KCNH8: variants seen among roughly 807,000 people sequenced by gnomAD.
The protein encoded by KCNH8 is potassium voltage-gated channel subfamily H member 8.
KCNH8 carries 70 observed loss-of-function variants against 103.6 expected under a neutral mutation model. The observed-to-expected ratio is 0.68, with a 90% CI of 0.56 to 0.82. KCNH8 has a LOEUF of 0.82. Among genes scored for constraint, KCNH8 ranks in the 40% least tolerant of loss-of-function variants. KCNH8 has a pLI of 0.00. For missense variants in KCNH8, 1,217 were observed against 1,329.9 expected, an observed-to-expected ratio of 0.92 and a Z score of 1.32; for synonymous variants, 498 against 489.4, an observed-to-expected ratio of 1.02 and a Z score of -0.23.
At chr3:19,418,945 G>C (rs964994255) in intron 7 of KCNH8, among the ~76,000 whole-genome samples, 2 of 152,166 alleles carry the variant, frequency 1.3e-5, no homozygotes, top group East Asian at 1.9e-4. Context: ...TCCATAACAG[G>C]GTTTTGGCAT....
chr3:19,193,009 A>C (rs570246153), intron 1 of KCNH8, among the ~76,000 whole-genome samples: 3 of 151,724 alleles, frequency 2.0e-5, no homozygotes, highest in Non-Finnish European at 4.4e-5. Flanking sequence ...TTTTACATAA[A>C]TTTTTAGAAA....
intron 11 of KCNH8, among the ~76,000 whole-genome samples, chr3:19,477,280 C>G (rs2067996441): frequency 6.6e-6 from 1 of 151,942 alleles, no homozygotes; most frequent in African/African-American, 2.4e-5. Context: ...GCTCCATTCC[C>G]AACATGAATT....
At chr3:19,419,195 G>GTTTTTGTT (rs2066909147) in intron 7 of KCNH8, among the ~76,000 whole-genome samples, 1 of 128,754 alleles carries the variant, frequency 7.8e-6, no homozygotes, top group African/African-American at 2.9e-5. Context: ...AATGGTTTTG[G>GTTTTTGTT]TTTTTTTTTT....
chr3:19,150,807 G>T (rs1023509630), intron 1 of KCNH8, among the ~76,000 whole-genome samples: 8 of 152,088 alleles, frequency 5.3e-5, no homozygotes, highest in Non-Finnish European at 1.2e-4. Flanking sequence ...GACCATGCTT[G>T]GTCTGTGCTC....
At position 19,263,493 on chromosome 3, in the gene KCNH8, A is replaced by G. The variant is rs192908956; in HGVS notation, c.310+9606A>G. ...GGGGAAATGCACCTGTTTGGCAGGTATAAGATGGCTTCACTCATGTGTGGC... is the reference window on the plus strand; with the variant it reads ...GGGGAAATGCACCTGTTTGGCAGGTGTAAGATGGCTTCACTCATGTGTGGC... On this transcript the variant is annotated intron_variant, in intron 2 of 15. Transcript: ENST00000328405. Among the ~76,000 whole-genome samples the G allele has an allele frequency of 1.5e-3, 221 of 152,232 alleles. 2 individuals carry two copies. The highest frequency in any genetic ancestry group is 2.8e-3 in the Non-Finnish European group (190 of 67,988).
intron 7 of KCNH8, among the ~76,000 whole-genome samples, chr3:19,427,255 A>G (rs752633826): frequency 2.0e-5 from 3 of 152,204 alleles, no homozygotes; most frequent in Non-Finnish European, 4.4e-5. Context: ...TAGTTTGGTT[A>G]TAATGTGAAT....
chr3:19,503,379 A>G (rs557661949), intron 11 of KCNH8, among the ~76,000 whole-genome samples: 3 of 152,304 alleles, frequency 2.0e-5, no homozygotes, highest in Admixed American at 1.3e-4. Context: ...GCGATTCCTC[A>G]GGGGTCTAGA....
chr3:19,474,209 C>T (rs1559344769), intron 11 of KCNH8, among the ~76,000 whole-genome samples: 1 of 152,118 alleles, frequency 6.6e-6, no homozygotes, highest in East Asian at 1.9e-4. Flanking sequence ...AAATTTAAAA[C>T]AAATTGCAAA....
At chr3:19,174,024 T>C (rs1467612925) in intron 1 of KCNH8, among the ~76,000 whole-genome samples, 3 of 151,306 alleles carry the variant, frequency 2.0e-5, no homozygotes, top group East Asian at 1.9e-4. Flanking sequence ...ACTCTGACTT[T>C]GCCTCTCCAG....
At chr3:19,251,012 C>G (rs7652572) in intron 1 of KCNH8, among the ~76,000 whole-genome samples, 14,443 of 151,968 alleles carry the variant, frequency 0.095, 2,218 homozygotes, top group African/African-American at 0.32. Flanking sequence ...CTTTGTCAAT[C>G]CTATGTATTT....
chr3:19,287,353 A>C (rs551403633), intron 3 of KCNH8, among the ~76,000 whole-genome samples: 1 of 152,264 alleles, frequency 6.6e-6, no homozygotes, highest in South Asian at 2.1e-4. Context: ...TTTTAATTGA[A>C]AGATTACAGG....
chr3:19,506,766 G>T (rs970655102), intron 11 of KCNH8, among the ~76,000 whole-genome samples: 1 of 152,136 alleles, frequency 6.6e-6, no homozygotes, highest in Non-Finnish European at 1.5e-5. Flanking sequence ...CCAGAGAAAT[G>T]CAGAGTTGCT....
At chr3:19,469,110 C>T (rs1307288805) in intron 11 of KCNH8, among the ~76,000 whole-genome samples, 1 of 152,168 alleles carries the variant, frequency 6.6e-6, no homozygotes, top group Non-Finnish European at 1.5e-5. Context: ...TGTGCATCTG[C>T]TAGCCGAGTC....
At chr3:19,184,860 A>G (rs763608444) in intron 1 of KCNH8, among the ~76,000 whole-genome samples, 17 of 151,990 alleles carry the variant, frequency 1.1e-4, no homozygotes, top group Non-Finnish European at 2.2e-4. Flanking sequence ...TATTTCATAC[A>G]TACAGAATCA....
intron 15 of KCNH8, among the ~76,000 whole-genome samples, chr3:19,529,531 T>C (rs529274072): frequency 3.6e-4 from 55 of 152,256 alleles, no homozygotes; most frequent in African/African-American, 1.3e-3. Context: ...CACCCTTAGA[T>C]AGTGGAAACA....
intron 2 of KCNH8, among the ~76,000 whole-genome samples, chr3:19,278,131 G>A (rs530088789): frequency 6.6e-6 from 1 of 152,216 alleles, no homozygotes; most frequent in South Asian, 2.1e-4. Flanking sequence ...GGTGAAAGGT[G>A]TCATTAGAAA....
Position 19,463,913 on chromosome 3 carries a change from T to G in KCNH8, c.2040+6931T>G, listed in dbSNP as rs562965476. Among the ~76,000 whole-genome samples the G allele has an allele frequency of 1.5e-3, 225 of 152,260 alleles. 2 individuals are homozygous for G. Among genetic ancestry groups the G allele is most frequent in the Admixed American group, 3.6e-3 (55 of 15,294 alleles). On this transcript the variant is annotated intron_variant, in intron 11 of 15. Coordinates refer to ENST00000328405, the MANE Select transcript of KCNH8 (RefSeq NM_144633.3). ...TTCTGTATAGCAGTGACAGTATATGTAAGTATGTAAAATGTAGGATTTATT... is the reference window on the plus strand; with the variant it reads ...TTCTGTATAGCAGTGACAGTATATGGAAGTATGTAAAATGTAGGATTTATT...
intron 1 of KCNH8, among the ~76,000 whole-genome samples, chr3:19,196,003 C>A (rs2063597667): frequency 6.6e-6 from 1 of 151,882 alleles, no homozygotes; most frequent in Non-Finnish European, 1.5e-5. Flanking sequence ...ATGTTTTGTT[C>A]ATTTCCTTTT....
At chr3:19,299,802 AC>A (rs1404237319) in intron 3 of KCNH8, among the ~76,000 whole-genome samples, 1 of 152,002 alleles carries the variant, frequency 6.6e-6, no homozygotes, top group African/African-American at 2.4e-5. Context: ...CACATCAATA[AC>A]TTTATAAAGC....
Sources: gnomAD v4.1 joint callset for allele counts (sites outside exome capture counted in the v4.1 genomes callset) on GRCh38, gnomAD v4.1.1 for gene constraint, MANE v1.5 for transcripts, NCBI Gene and HGNC (gene_info 2026-07-23, HGNC 2026-07-21) for gene names.